The following IFT88 variants were observed in gnomAD, a reference collection of about 807,000 sequenced individuals.
IFT88 encodes intraflagellar transport protein 88 homolog.
In IFT88, 74 loss-of-function variants were observed where a neutral mutation model predicts 119.5. The ratio of observed to expected loss-of-function variants is 0.62; its 90% CI spans 0.51 to 0.75. The LOEUF (loss-of-function observed/expected upper bound fraction) is 0.75. Among genes scored for constraint, IFT88 ranks in the 30% least tolerant of loss-of-function variants. The probability of loss-of-function intolerance (pLI) is 0.00; values close to 1 mark genes in which losing one functional copy is unlikely to be tolerated. For missense variants in IFT88, 961 were observed against 977.7 expected (o/e 0.98, Z 0.23); for synonymous variants, 279 against 316.7 (o/e 0.88, Z 1.26).
At chr13:20,639,253 G>C (rs748221131) in intron 17 of IFT88, among the ~76,000 whole-genome samples, 7 of 152,060 alleles carry the variant, frequency 4.6e-5, no homozygotes, top group Admixed American at 1.3e-4. Flanking sequence ...ACTTTACTTA[G>C]ATGTCTAATG....
At chr13:20,620,924 A>G (rs1416608443) in intron 14 of IFT88, among the ~76,000 whole-genome samples, 1 of 152,216 alleles carries the variant, frequency 6.6e-6, no homozygotes, top group East Asian at 1.9e-4. Context: ...CAGCAAAAAG[A>G]CAGCATTCTA....
chr13:20,639,682 T>C (rs1259255163), intron 17 of IFT88, among the ~76,000 whole-genome samples: 1 of 152,226 alleles, frequency 6.6e-6, no homozygotes, highest in Admixed American at 6.5e-5. Context: ...TTATTTGTTT[T>C]GTAACTATTA....
chr13:20,639,907 G>A (rs1192617226), intron 17 of IFT88, among the ~76,000 whole-genome samples: 2 of 149,170 alleles, frequency 1.3e-5, no homozygotes, highest in East Asian at 4.2e-4. Context: ...TCCTGCCGTA[G>A]CCTTCCAAGT....
At chr13:20,672,522 G>A (rs917672356) in intron 24 of IFT88, among the ~76,000 whole-genome samples, 3 of 152,088 alleles carry the variant, frequency 2.0e-5, no homozygotes, top group African/African-American at 4.8e-5. Context: ...CCACTTTAAT[G>A]GATCCGTGTG....
intron 18 of IFT88, 68 bp from the exon 19 acceptor site, chr13:20,643,387 G>GT: frequency 8.2e-7 from 1 of 1,218,142 alleles, no homozygotes; most frequent in Non-Finnish European, 1.2e-6. Context: ...TTACTGTAAT[G>GT]TTTTTTAAGT....
chr13:20,672,839 T>G (rs1041511977), intron 24 of IFT88, among the ~76,000 whole-genome samples: 2 of 151,282 alleles, frequency 1.3e-5, no homozygotes, highest in Admixed American at 6.6e-5. Flanking sequence ...ACCTGAAGAG[T>G]TGGCTTTCAG....
At chr13:20,625,721 A>G in intron 14 of IFT88, 29 bp from the exon 15 acceptor site, 2 of 1,482,008 alleles carry the variant, frequency 1.3e-6, no homozygotes, top group Middle Eastern at 3.6e-4. Flanking sequence ...AACAAAATCA[A>G]GTAAGGTTTT....
intron 14 of IFT88, among the ~76,000 whole-genome samples, chr13:20,620,860 C>T (rs970879956): frequency 7.2e-5 from 11 of 152,222 alleles, no homozygotes; most frequent in African/African-American, 2.6e-4. Flanking sequence ...AATTAGTGCC[C>T]TTATAAAAAG....
Position 20,670,403 on chromosome 13 carries a change from T to A in IFT88, c.2176-570T>A, listed in dbSNP as rs540191378. Among the ~76,000 whole-genome samples the A allele has an allele frequency of 2.9e-3, 438 of 152,250 alleles. 1 individual carries two copies. Among genetic ancestry groups the A allele is most frequent in the Non-Finnish European group, 5.3e-3 (360 of 68,020 alleles). On this transcript the variant is annotated intron_variant, in intron 23 of 25. Transcript: ENST00000351808. Reference sequence around the variant, plus strand: ...AACAATGCCACAGTGTGGAGATACTTCTTAGGCTTTGAAGGCGAGTCTGTA... The same window carrying A: ...AACAATGCCACAGTGTGGAGATACTACTTAGGCTTTGAAGGCGAGTCTGTA...
intron 8 of IFT88, 89 bp from the exon 9 acceptor site, chr13:20,596,926 A>G: frequency 1.5e-6 from 1 of 664,254 alleles, no homozygotes; most frequent in Non-Finnish European, 2.5e-6. Context: ...TAGAAAATGA[A>G]TTCATCCAAC....
chr13:20,632,394 G>A (rs1198951838), intron 16 of IFT88, among the ~76,000 whole-genome samples: 1 of 152,120 alleles, frequency 6.6e-6, no homozygotes, highest in African/African-American at 2.4e-5. Context: ...CCAGATGAAG[G>A]CATGGAACCC....
chr13:20,636,510 C>T (rs74804761), intron 16 of IFT88, among the ~76,000 whole-genome samples: 129 of 152,326 alleles, frequency 8.5e-4, no homozygotes, highest in African/African-American at 3.0e-3. Flanking sequence ...CTTCAGCATC[C>T]TACCTAGAAA....
At chr13:20,657,680 C>A (rs926765168) in intron 22 of IFT88, among the ~76,000 whole-genome samples, 1 of 152,106 alleles carries the variant, frequency 6.6e-6, no homozygotes, top group African/African-American at 2.4e-5. Flanking sequence ...GTAATCCCAG[C>A]ACTTTGGGAG....
At chr13:20,623,392 A>T (rs574723102) in intron 14 of IFT88, among the ~76,000 whole-genome samples, 4 of 152,246 alleles carry the variant, frequency 2.6e-5, no homozygotes, top group African/African-American at 9.6e-5. Context: ...GAATTCATAG[A>T]TTGCTTTGAG....
At position 20,638,210 on chromosome 13, in the gene IFT88, A is replaced by G; in HGVS notation, c.1387-122A>G. ...TCAGACTATCAAGACCAAGATATGT[A>G]AAATATTTTTGTTCATTACATTTAT... On this transcript the variant is annotated intron_variant, in intron 16 of 25. Transcript: ENST00000351808. The G allele has an allele frequency of 5.7e-6, 3 of 528,220 alleles. No homozygotes were observed. The Admixed American group carries it at 1.3e-4, about 22-fold the overall frequency. The allele number at this position is 528,220 out of a possible 1,614,324, so 32.7% of individuals were successfully genotyped here.
chr13:20,577,407 G>A (rs1291827552), intron 2 of IFT88, among the ~76,000 whole-genome samples: 3 of 152,116 alleles, frequency 2.0e-5, no homozygotes, highest in Non-Finnish European at 1.5e-5. Context: ...TTGAATAACA[G>A]TGGTGACAGT....
chr13:20,684,043 A>G (rs958890049), intron 24 of IFT88, among the ~76,000 whole-genome samples: 1 of 152,222 alleles, frequency 6.6e-6, no homozygotes, highest in Non-Finnish European at 1.5e-5. Context: ...TCTCATTACA[A>G]AAGGAGAACC....
intron 12 of IFT88, 29 bp downstream of exon 12, chr13:20,601,962 C>A: frequency 8.3e-7 from 1 of 1,211,604 alleles, no homozygotes; most frequent in Non-Finnish European, 1.2e-6. Context: ...TTTCTGTAGC[C>A]ACTTCCCACT....
At chr13:20,655,449 A>C (rs980096985) in intron 21 of IFT88, among the ~76,000 whole-genome samples, 9 of 142,192 alleles carry the variant, frequency 6.3e-5, no homozygotes, top group African/African-American at 1.6e-4. Context: ...CTCAAAAAAA[A>C]AAAAACAAAA....
Sources: gnomAD v4.1 joint callset for allele counts (sites outside exome capture counted in the v4.1 genomes callset) on GRCh38, gnomAD v4.1.1 for gene constraint, MANE v1.5 for transcripts, NCBI Gene and HGNC (gene_info 2026-07-23, HGNC 2026-07-21) for gene names.